The following HAPLN1 variants were observed in gnomAD, a reference collection of about 807,000 sequenced individuals.
HAPLN1 encodes hyaluronan and proteoglycan link protein 1.
Under a neutral mutation model 36.5 loss-of-function variants are expected in HAPLN1, and 13 were observed. The ratio of observed to expected loss-of-function variants is 0.36; its 90% confidence interval spans 0.23 to 0.57. The LOEUF (loss-of-function observed/expected upper bound fraction) is 0.57, where lower values mean the gene tolerates loss of function less well. Ranked by LOEUF, HAPLN1 falls within the 20% of genes least tolerant of loss-of-function variation. The pLI is 0.83. For missense variants in HAPLN1, 407 were observed against 439.7 expected (o/e 0.93, Z 0.66); for synonymous variants, 202 against 169.8 (o/e 1.19, Z -1.48).
chr5:83,677,711 G>A (rs1034861175), intron 1 of HAPLN1, among the ~76,000 whole-genome samples: 2 of 152,124 alleles, frequency 1.3e-5, no homozygotes, highest in African/African-American at 4.8e-5. Flanking sequence ...TAATGACAAT[G>A]TCTCCCTGGT....
intron 1 of HAPLN1, among the ~76,000 whole-genome samples, chr5:83,678,432 G>T (rs933004412): frequency 1.3e-5 from 2 of 152,052 alleles, no homozygotes; most frequent in Non-Finnish European, 2.9e-5. Context: ...TCCACAAATG[G>T]TTAACAATTT....
At chr5:83,678,780 TA>T (rs1750923310) in intron 1 of HAPLN1, among the ~76,000 whole-genome samples, 1 of 152,164 alleles carries the variant, frequency 6.6e-6, no homozygotes, top group East Asian at 1.9e-4. Flanking sequence ...GGAAGGGCAG[TA>T]AAAAAGTAGC....
intron 1 of HAPLN1, among the ~76,000 whole-genome samples, chr5:83,693,684 T>A (rs1484169779): frequency 6.6e-6 from 1 of 151,876 alleles, no homozygotes; most frequent in South Asian, 2.1e-4. Context: ...GACACTATAT[T>A]AAAATCAGAC....
At position 83,639,942 on chromosome 5, in the gene HAPLN1, T is replaced by C. The variant is rs1240572292; in HGVS notation, c.*1554A>G. ...CTTCCACACACAGAACTCTATAGAG[T>C]AAATTTATTAGAATTATTACAGAGC... On this transcript the variant is annotated 3_prime_UTR_variant, in exon 5 of 5. Coordinates refer to ENST00000274341, the MANE Select transcript of HAPLN1 (RefSeq NM_001884.4). 2.0e-5 allele frequency: 3 copies of C among 152,080 alleles called. No individual in the cohort carries two copies. Among genetic ancestry groups the C allele is most frequent in the African/African-American group, 4.8e-5 (2 of 41,444 alleles). The allele number at this position is 152,080 out of a possible 1,614,324, so 9.4% of individuals were successfully genotyped here. A position where few individuals can be genotyped will look rare whatever the true frequency, so the allele number is the denominator to read the frequency against.
intron 1 of HAPLN1, among the ~76,000 whole-genome samples, chr5:83,683,700 G>C (rs953359676): frequency 3.9e-5 from 6 of 152,118 alleles, no homozygotes; most frequent in Non-Finnish European, 8.8e-5. Context: ...CTTCAAAAAG[G>C]AACTGCTATC....
At chr5:83,714,681 A>G (rs1006987998) in intron 1 of HAPLN1, among the ~76,000 whole-genome samples, 1 of 152,134 alleles carries the variant, frequency 6.6e-6, no homozygotes, top group Non-Finnish European at 1.5e-5. Flanking sequence ...TTCCTTTTTC[A>G]TCTCCACGAC....
intron 1 of HAPLN1, among the ~76,000 whole-genome samples, chr5:83,707,430 C>T (rs1561324536): frequency 6.6e-6 from 1 of 152,158 alleles, no homozygotes; most frequent in Non-Finnish European, 1.5e-5. Flanking sequence ...AACAAGACCA[C>T]TCACCTATGA....
intron 1 of HAPLN1, among the ~76,000 whole-genome samples, chr5:83,692,716 A>G (rs1483492188): frequency 6.6e-6 from 1 of 151,940 alleles, no homozygotes; most frequent in Non-Finnish European, 1.5e-5. Context: ...ACTATAAGTA[A>G]GCACATTTTT....
chr5:83,686,464 T>C (rs1001485894), intron 1 of HAPLN1, among the ~76,000 whole-genome samples: 8 of 152,132 alleles, frequency 5.3e-5, no homozygotes, highest in Non-Finnish European at 1.2e-4. Context: ...GAGACAAAGT[T>C]AGTGAAATCC....
intron 1 of HAPLN1, among the ~76,000 whole-genome samples, chr5:83,688,793 C>T (rs1457079): frequency 4.6e-5 from 7 of 151,402 alleles, no homozygotes; most frequent in Non-Finnish European, 7.4e-5. Flanking sequence ...GGACAGAAAA[C>T]GAACTCTTCT....
At chr5:83,643,933 C>G (rs1364627205) in intron 4 of HAPLN1, among the ~76,000 whole-genome samples, 1 of 152,192 alleles carries the variant, frequency 6.6e-6, no homozygotes, top group Non-Finnish European at 1.5e-5. Flanking sequence ...CCACTTTGTC[C>G]TGAGCTCTGT....
chr5:83,644,683 C>A lies in HAPLN1; in HGVS notation c.473-18G>T. The A allele has an allele frequency of 7.2e-7, 1 of 1,398,488 alleles. No individual in the cohort carries two copies. The highest frequency in any genetic ancestry group is 1.9e-5 in the South Asian group (1 of 53,766). 86.6% of individuals were successfully genotyped at this position (1,398,488 alleles called of 1,614,324 possible). A position where few individuals can be genotyped will look rare whatever the true frequency, so the allele number is the denominator to read the frequency against. Reference sequence around the variant, plus strand: ...TACCACACCTGTCCAAAGGAGAAAGCAAGGAGTTGTTAGAAGCCCCAAAAC... The same window carrying A: ...TACCACACCTGTCCAAAGGAGAAAGAAAGGAGTTGTTAGAAGCCCCAAAAC... On this transcript the variant is annotated intron_variant, in intron 3 of 4. Transcript: ENST00000274341.
intron 2 of HAPLN1, among the ~76,000 whole-genome samples, chr5:83,656,327 C>CAAAAAAAAAA (rs35902132): frequency 6.7e-5 from 4 of 59,788 alleles, no homozygotes; most frequent in African/African-American, 2.1e-4. Flanking sequence ...GACTACGTCT[C>CAAAAAAAAAA]AAAAAAAAAA....
At chr5:83,672,773 G>C (rs570135598) in intron 2 of HAPLN1, among the ~76,000 whole-genome samples, 1 of 152,188 alleles carries the variant, frequency 6.6e-6, no homozygotes, top group Non-Finnish European at 1.5e-5. Context: ...GGAAAGAACT[G>C]TTCCTCTTAT....
At chr5:83,645,471 C>CTTTTTTTTTT (rs1423821503) in intron 3 of HAPLN1, among the ~76,000 whole-genome samples, 5 of 20,314 alleles carry the variant, frequency 2.5e-4, no homozygotes, top group Admixed American at 7.4e-4. Context: ...TTTTCTTTTT[C>CTTTTTTTTTT]TTTCTTTTTT....
At chr5:83,685,856 C>A (rs1239784390) in intron 1 of HAPLN1, 1 of 152,080 alleles carries the variant, frequency 6.6e-6, no homozygotes, top group Non-Finnish European at 1.5e-5. Context: ...CTGAACTTGT[C>A]AAGGGCAAAT....
rs1749790127 is a variant in HAPLN1, at chr5:83,644,399, T to C, written c.739A>G (p.Arg247Gly). Reference protein sequence around the residue: ...NYGFWDKDKSRYDVFCFTSNF... With the variant: ...NYGFWDKDKSGYDVFCFTSNF... The stretch of plus-strand genomic sequence containing the variant: ...GATGTAAAACAGAAAACATCATATC[T>C]GCTTTTATCTTTATCCCAAAATCCG... Residue 247 changes from arginine to glycine, a missense_variant, in exon 4 of 5, where the codon AGA becomes GGA. Transcript: ENST00000274341. The C allele has an allele frequency of 6.3e-7, 1 of 1,590,944 alleles. No individual in the cohort carries two copies. The highest frequency in any genetic ancestry group is 1.8e-5 in the Admixed American group (1 of 54,936).
At chr5:83,716,837 A>T (rs1751923553) in intron 1 of HAPLN1, among the ~76,000 whole-genome samples, 1 of 152,008 alleles carries the variant, frequency 6.6e-6, no homozygotes, top group East Asian at 1.9e-4. Flanking sequence ...TTCGAGACCA[A>T]CCTGGCCAAC....
At chr5:83,675,731 T>C (rs1750845149) in intron 1 of HAPLN1, among the ~76,000 whole-genome samples, 1 of 152,146 alleles carries the variant, frequency 6.6e-6, no homozygotes, top group Non-Finnish European at 1.5e-5. Context: ...GAATAAACAA[T>C]GATAAAAACA....
Sources: gnomAD v4.1 joint callset for allele counts (sites outside exome capture counted in the v4.1 genomes callset) on GRCh38, gnomAD v4.1.1 for gene constraint, MANE v1.5 for transcripts, NCBI Gene and HGNC (gene_info 2026-07-23, HGNC 2026-07-21) for gene names.